PLXNA2: variants seen among roughly 807,000 people sequenced by gnomAD.
PLXNA2 encodes the protein plexin-A2.
In PLXNA2, 91 loss-of-function variants were observed where a neutral mutation model predicts 193.5. The observed-to-expected ratio is 0.47, with a 90% confidence interval of 0.40 to 0.56. The LOEUF is 0.56. Among genes scored for constraint, PLXNA2 ranks in the 20% least tolerant of loss-of-function variants. PLXNA2 has a pLI of 0.00. For missense variants in PLXNA2, 1,995 were observed against 2,503.2 expected (o/e 0.80, Z 4.33); for synonymous variants, 997 against 1,027.3 (o/e 0.97, Z 0.56).
At chr1:208,164,052 G>A (rs1254389450) in intron 3 of PLXNA2, among the ~76,000 whole-genome samples, 1 of 152,198 alleles carries the variant, frequency 6.6e-6, no homozygotes, top group Non-Finnish European at 1.5e-5. Flanking sequence ...TGTGGGTTCT[G>A]ACGCTTCCAT....
intron 3 of PLXNA2, among the ~76,000 whole-genome samples, chr1:208,184,440 G>C (rs1467967893): frequency 3.3e-5 from 5 of 150,280 alleles, no homozygotes; most frequent in Non-Finnish European, 7.4e-5. Context: ...AAAAAACCAA[G>C]GAAAGTATAC....
chr1:208,057,213 G>A (rs779427777), intron 13 of PLXNA2, among the ~76,000 whole-genome samples: 8 of 152,190 alleles, frequency 5.3e-5, no homozygotes, highest in African/African-American at 1.7e-4. Context: ...GCTACAGAGC[G>A]GGTCTTATCT....
At chr1:208,223,619 C>A (rs952989485) in intron 1 of PLXNA2, among the ~76,000 whole-genome samples, 3 of 152,148 alleles carry the variant, frequency 2.0e-5, no homozygotes, top group Admixed American at 2.0e-4. Context: ...CTCTTCTAGG[C>A]CCAGGCAGGC....
At chr1:208,228,375 C>A (rs192379512) in intron 1 of PLXNA2, among the ~76,000 whole-genome samples, 42 of 152,314 alleles carry the variant, frequency 2.8e-4, no homozygotes, top group Admixed American at 2.4e-3. Flanking sequence ...CGGGGCTCTT[C>A]ACCAGGAATC....
intron 12 of PLXNA2, among the ~76,000 whole-genome samples, chr1:208,063,800 T>C (rs1471732217): frequency 6.6e-6 from 1 of 152,126 alleles, no homozygotes; most frequent in African/African-American, 2.4e-5. Flanking sequence ...TTCCAAAACA[T>C]AGATGAAGTG....
rs1226777314 is a variant in PLXNA2, at chr1:208,028,889, G to C, written c.5379C>G (p.Ser1793=). ...STSEHRLGKD[S]PSNKLLYAKD... is the part of the protein sequence containing the mutation. The stretch of plus-strand genomic sequence containing the variant: ...TGGCATAGAGCAGCTTGTTGGAGGG[G>C]GAGTCCTTGCCCAGCCGGTGCTCTG... The change falls in exon 30 of 32, where the codon TCC becomes TCG. Residue 1793 remains serine (S), a synonymous_variant. Coordinates refer to ENST00000367033, the MANE Select transcript of PLXNA2 (RefSeq NM_025179.4). This position sits in a 1 kb window ranked among gnomAD's most constrained non-coding sequence, Gnocchi z 4.2. 1.2e-6 allele frequency: 2 copies of C among 1,614,154 alleles called. No homozygotes were observed. The highest frequency in any genetic ancestry group is 4.5e-5 in the East Asian group (2 of 44,880).
At chr1:208,081,766 T>C (rs1045059714) in intron 11 of PLXNA2, among the ~76,000 whole-genome samples, 3 of 152,182 alleles carry the variant, frequency 2.0e-5, no homozygotes, top group African/African-American at 7.2e-5. Flanking sequence ...CCTCATCATA[T>C]TGGAGTCACT....
At chr1:208,160,468 T>C (rs1341368608) in intron 3 of PLXNA2, among the ~76,000 whole-genome samples, 5 of 152,190 alleles carry the variant, frequency 3.3e-5, no homozygotes, top group Non-Finnish European at 5.9e-5. Context: ...AACACAGAAC[T>C]AGGTAGAACA....
intron 10 of PLXNA2, among the ~76,000 whole-genome samples, 153 bp downstream of exon 10, chr1:208,084,227 C>T (rs961300096): frequency 1.3e-5 from 2 of 152,242 alleles, no homozygotes; most frequent in African/African-American, 4.8e-5. Flanking sequence ...GGCTGAGCGG[C>T]TGGGGTGCTG....
chr1:208,038,418 T>C lies in PLXNA2; in HGVS notation c.4717A>G (p.Lys1573Glu). 1 of 1,614,002 alleles carries C rather than the reference T, an allele frequency of 6.2e-7. No homozygotes were observed. Residue 1573 changes from lysine (K) to glutamate (E), a missense_variant, in exon 26 of 32, where the codon AAG becomes GAG. By Grantham distance (56) the Lys-to-Glu change is moderately conservative. Coordinates refer to ENST00000367033, the MANE Select transcript of PLXNA2 (RefSeq NM_025179.4). The surrounding 1 kb of genome is among the most constrained non-coding windows in gnomAD (Gnocchi z 4.1). Reference sequence around the variant, plus strand: ...AGCCGCTTCCAGTCACCCTCAATCTTGGTGGTGATGTCCTCATCTTGCAGC... The same window carrying C: ...AGCCGCTTCCAGTCACCCTCAATCTCGGTGGTGATGTCCTCATCTTGCAGC... The part of the protein sequence containing the change: ...VVLQDEDITT[K>E]IEGDWKRLNT...
At chr1:208,067,067 G>A (rs80192824) in intron 12 of PLXNA2, among the ~76,000 whole-genome samples, 1,804 of 152,268 alleles carry the variant, frequency 0.012, 49 homozygotes, top group African/African-American at 0.041. Flanking sequence ...GTAACTGGCC[G>A]GGCGCAGTGG....
chr1:208,177,363 C>T (rs1669689423), intron 3 of PLXNA2, among the ~76,000 whole-genome samples: 1 of 152,140 alleles, frequency 6.6e-6, no homozygotes, highest in South Asian at 2.1e-4. Flanking sequence ...CCCTACTCCA[C>T]CTCTGATCAG....
At chr1:208,093,240 G>T (rs568455315) in intron 8 of PLXNA2, among the ~76,000 whole-genome samples, 1 of 152,340 alleles carries the variant, frequency 6.6e-6, no homozygotes, top group East Asian at 1.9e-4. Context: ...GGTGGAAATA[G>T]TTGCGCCACA....
At chr1:208,047,704 T>TAC (rs376431165) in intron 17 of PLXNA2, among the ~76,000 whole-genome samples, 1 of 152,162 alleles carries the variant, frequency 6.6e-6, no homozygotes, top group Non-Finnish European at 1.5e-5. Flanking sequence ...CTGGCCAACA[T>TAC]ACACACACAC....
At chr1:208,042,393 G>C (rs759615094) in intron 21 of PLXNA2, 27 bp from the exon 22 acceptor site, 1 of 1,603,638 alleles carries the variant, frequency 6.2e-7, no homozygotes, top group South Asian at 1.1e-5. Flanking sequence ...TGGAGGCGAC[G>C]CCCTCAGAGG....
chr1:208,191,413 A>G (rs1386759277), intron 3 of PLXNA2, among the ~76,000 whole-genome samples: 1 of 152,226 alleles, frequency 6.6e-6, no homozygotes, highest in Admixed American at 6.5e-5. Context: ...TAATGAATGC[A>G]GCCCTTATCC....
intron 3 of PLXNA2, among the ~76,000 whole-genome samples, chr1:208,147,973 C>T (rs950368422): frequency 5.9e-5 from 9 of 152,220 alleles, no homozygotes; most frequent in East Asian, 3.9e-4. Context: ...GGGGCAGGAG[C>T]GTGTGAGGTA....
rs760158975 is a variant in PLXNA2 at position 208,033,464 on chromosome 1, C to T, written c.4910G>A (p.Arg1637Gln). The T allele has an allele frequency of 2.7e-5, 43 of 1,613,038 alleles. No individual in the cohort carries two copies. The highest frequency in any genetic ancestry group is 1.1e-4 in the South Asian group (10 of 91,002). The change falls in exon 28 of 32, where the codon CGG becomes CAG. Residue 1637 changes from arginine to glutamine, a missense_variant. By Grantham distance (43) the Arg-to-Gln change is conservative (BLOSUM62 1). Transcript: ENST00000367033. ...YTGSPDSLRSRAPMITPDLES... is the reference protein window; with the variant it reads ...YTGSPDSLRSQAPMITPDLES... ...CAGGTCTGGGGTGATCATCGGGGCC[C>T]GGGACCGCAGGCTGTCGGGGCTGCC...
In PLXNA2 at chr1:208,060,874, T is replaced by G. The variant is rs568328451; in HGVS notation, c.2587-37A>C. 19 of 1,606,494 alleles carry G rather than the reference T, an allele frequency of 1.2e-5. No individual in the cohort carries two copies. In the South Asian group the frequency reaches 2.0e-4, roughly 17 times the overall value. ...AAATGGGATTAGCAATTTGGTTTGG[T>G]CACAGGAACAGAAACAGCAGCACCC... On this transcript the variant is annotated intron_variant, in intron 12 of 31. Coordinates refer to ENST00000367033, the MANE Select transcript of PLXNA2 (RefSeq NM_025179.4).
Sources: gnomAD v4.1 joint callset for allele counts (sites outside exome capture counted in the v4.1 genomes callset) on GRCh38, gnomAD v4.1.1 for gene constraint, Gnocchi (gnomAD v3.1) non-coding constraint, MANE v1.5 for transcripts, NCBI Gene and HGNC (gene_info 2026-07-23, HGNC 2026-07-21) for gene names.